The following BANK1 variants were observed in gnomAD, a reference collection of about 807,000 sequenced individuals.
The protein encoded by BANK1 is B-cell scaffold protein with ankyrin repeats.
Under a neutral mutation model 94.5 loss-of-function variants are expected in BANK1, and 95 were observed. The ratio of observed to expected loss-of-function variants is 1.00; its 90% CI spans 0.85 to 1.19. The LOEUF (loss-of-function observed/expected upper bound fraction) is 1.19. Ranked by LOEUF, BANK1 falls within the 50% of genes most tolerant of loss-of-function variation. BANK1 has a pLI of 0.00. For missense variants in BANK1, 987 were observed against 932.2 expected (o/e 1.06, Z -0.77); for synonymous variants, 334 against 308.4 (o/e 1.08, Z -0.87).
intron 7 of BANK1, among the ~76,000 whole-genome samples, chr4:101,922,046 G>GTA (rs1448494209): frequency 3.6e-4 from 54 of 151,302 alleles, no homozygotes; most frequent in African/African-American, 1.1e-3. Context: ...GTGTGTGTGT[G>GTA]TGTGTGTGTG....
chr4:102,030,240 G>A lies in BANK1; in HGVS notation c.1875G>A (p.Glu625=), dbSNP rs759620117. Residue 625 remains glutamate, a synonymous_variant, in exon 10 of 17, where the codon GAG becomes GAA. Transcript: ENST00000322953. ...TPRPTSIPPK[E]ETTPYIAQVF... Reference sequence around the variant, plus strand: ...GACCCACAAGTATACCTCCAAAAGAGGAAACTACACCTTACATAGCTCAAG... The same window carrying A: ...GACCCACAAGTATACCTCCAAAAGAAGAAACTACACCTTACATAGCTCAAG... 4 of 1,598,150 alleles carry A rather than the reference G, an allele frequency of 2.5e-6. No homozygotes were observed. The African/African-American group carries it at 5.4e-5, about 22-fold the overall frequency.
Position 101,928,873 on chromosome 4 carries a change from C to A in BANK1, c.1206+10684C>A, listed in dbSNP as rs540990950. The stretch of plus-strand genomic sequence containing the variant: ...ATTATATGCCAGATTGGGTTAGAAA[C>A]TTTATGCACACCCTCTGGTTCCATG... On this transcript the variant is annotated intron_variant, in intron 7 of 16. Coordinates refer to ENST00000322953, the MANE Select transcript of BANK1 (RefSeq NM_017935.5). 3.3e-5 allele frequency among the ~76,000 whole-genome samples: 5 copies of A among 151,732 alleles called. No homozygotes were observed. In the South Asian group the frequency reaches 1.0e-3, roughly 31 times the overall value.
At chr4:101,848,048 C>G (rs1727323665) in intron 2 of BANK1, among the ~76,000 whole-genome samples, 1 of 152,232 alleles carries the variant, frequency 6.6e-6, no homozygotes, top group Non-Finnish European at 1.5e-5. Flanking sequence ...GCTACCTCCT[C>G]TACCTCGGTG....
At chr4:101,878,345 A>C (rs952092062) in intron 5 of BANK1, among the ~76,000 whole-genome samples, 2 of 152,200 alleles carry the variant, frequency 1.3e-5, no homozygotes, top group Non-Finnish European at 2.9e-5. Flanking sequence ...GACAAAAACT[A>C]TGAAAAGCGA....
intron 1 of BANK1, among the ~76,000 whole-genome samples, chr4:101,791,443 G>A (rs1186100555): frequency 6.6e-6 from 1 of 152,186 alleles, no homozygotes; most frequent in East Asian, 1.9e-4. Flanking sequence ...GCTTTGCAGA[G>A]AAACTCTACC....
chr4:101,811,356 C>T (rs1001075406), intron 1 of BANK1, among the ~76,000 whole-genome samples: 2 of 151,944 alleles, frequency 1.3e-5, no homozygotes, highest in Non-Finnish European at 2.9e-5. Context: ...CCATTTTCTC[C>T]TAGTGGTAAA....
chr4:101,880,654 A>G (rs1728644166), intron 5 of BANK1, among the ~76,000 whole-genome samples: 1 of 152,100 alleles, frequency 6.6e-6, no homozygotes, highest in South Asian at 2.1e-4. Context: ...GATGAATAAC[A>G]TTACCTAACT....
intron 7 of BANK1, among the ~76,000 whole-genome samples, chr4:102,010,162 G>A (rs1726448202): frequency 6.6e-6 from 1 of 151,892 alleles, no homozygotes; most frequent in East Asian, 2.0e-4. Context: ...CTACTCGGGA[G>A]GCTGAGGCAG....
At chr4:101,969,680 A>G (rs1364420396) in intron 7 of BANK1, among the ~76,000 whole-genome samples, 1 of 152,098 alleles carries the variant, frequency 6.6e-6, no homozygotes, top group Non-Finnish European at 1.5e-5. Flanking sequence ...TGGGATAAGT[A>G]TACATGTGCA....
intron 4 of BANK1, among the ~76,000 whole-genome samples, chr4:101,864,618 C>G (rs183842904): frequency 6.6e-6 from 1 of 152,210 alleles, no homozygotes; most frequent in African/African-American, 2.4e-5. Context: ...GTTGTCACTC[C>G]TGTAATAAAA....
intron 7 of BANK1, among the ~76,000 whole-genome samples, chr4:101,942,033 C>T (rs1346281137): frequency 6.6e-6 from 1 of 151,748 alleles, no homozygotes; most frequent in Non-Finnish European, 1.5e-5. Context: ...AGAGTAAGAA[C>T]AATAGCTATT....
chr4:101,898,596 C>T (rs1239115726), intron 6 of BANK1, among the ~76,000 whole-genome samples: 4 of 151,956 alleles, frequency 2.6e-5, no homozygotes. Flanking sequence ...TTAAGATTGA[C>T]CTACCGTAAG....
At position 102,025,459 on chromosome 4, in the gene BANK1, G is replaced by A. The variant is rs201756289; in HGVS notation, c.1544G>A (p.Arg515Gln). 77 of 1,613,864 alleles carry A rather than the reference G, an allele frequency of 4.8e-5. No homozygotes were observed. Among genetic ancestry groups the A allele is most frequent in the Non-Finnish European group, 3.3e-5 (39 of 1,180,006 alleles). The change falls in exon 9 of 17, where the codon CGA becomes CAA. Residue 515 changes from arginine (R) to glutamine (Q), a missense_variant. Coordinates refer to ENST00000322953, the MANE Select transcript of BANK1 (RefSeq NM_017935.5). ...MSSRPPLPPPRPVANAFQLER... is the reference protein window; with the variant it reads ...MSSRPPLPPPQPVANAFQLER... ...AGCAGACCTCCTCTCCCCCCGCCGC[G>A]ACCTGTAGCTAATGCCTTCCAACTG...
chr4:102,033,390 T>C (rs971157852), intron 10 of BANK1, among the ~76,000 whole-genome samples: 4 of 152,226 alleles, frequency 2.6e-5, no homozygotes, highest in South Asian at 2.1e-4. Flanking sequence ...TGGATGGTTT[T>C]CCTTTCATTG....
intron 7 of BANK1, among the ~76,000 whole-genome samples, chr4:101,927,259 T>A (rs1723191603): frequency 6.6e-6 from 1 of 151,612 alleles, no homozygotes; most frequent in Non-Finnish European, 1.5e-5. Context: ...GACCATCAGA[T>A]CTTATGAGAA....
intron 4 of BANK1, among the ~76,000 whole-genome samples, chr4:101,865,839 C>T (rs750495398): frequency 9.2e-5 from 14 of 151,932 alleles, no homozygotes; most frequent in African/African-American, 3.4e-4. Flanking sequence ...GACTCTGTCT[C>T]GGTAAAGTAC....
intron 11 of BANK1, among the ~76,000 whole-genome samples, chr4:102,051,546 A>G (rs967440069): frequency 6.6e-6 from 1 of 152,230 alleles, no homozygotes; most frequent in Non-Finnish European, 1.5e-5. Context: ...ACTAATTCTA[A>G]TTAATTCTAA....
At chr4:102,017,680 C>A (rs1560689233) in intron 7 of BANK1, among the ~76,000 whole-genome samples, 1 of 152,200 alleles carries the variant, frequency 6.6e-6, no homozygotes, top group Non-Finnish European at 1.5e-5. Flanking sequence ...TTCTACAAAG[C>A]AGGGGATCAA....
intron 5 of BANK1, among the ~76,000 whole-genome samples, chr4:101,887,967 T>C (rs965987182): frequency 1.3e-5 from 2 of 152,228 alleles, no homozygotes; most frequent in Non-Finnish European, 2.9e-5. Context: ...GCTCTTTTTT[T>C]CTATCATTTT....
Sources: gnomAD v4.1 joint callset for allele counts (sites outside exome capture counted in the v4.1 genomes callset) on GRCh38, gnomAD v4.1.1 for gene constraint, MANE v1.5 for transcripts, NCBI Gene and HGNC (gene_info 2026-07-23, HGNC 2026-07-21) for gene names.